Variants in SEMA5B observed in about 807,000 individuals in gnomAD.
The protein encoded by SEMA5B is semaphorin-5B.
Under a neutral mutation model 135.0 loss-of-function variants are expected in SEMA5B, and 66 were observed. That is an observed-to-expected ratio of 0.49 (90% confidence interval 0.40 to 0.60). The LOEUF is 0.60. SEMA5B is among the 20% of genes least tolerant of loss of function. The pLI is 0.00. For synonymous variants in SEMA5B, 690 were observed against 639.5 expected, an observed-to-expected ratio of 1.08 and a Z score of -1.19; for missense variants, 1,501 against 1,566.3, an observed-to-expected ratio of 0.96 and a Z score of 0.70.
At chr3:122,959,812 A>G (rs932339584) in intron 2 of SEMA5B, among the ~76,000 whole-genome samples, 3 of 152,206 alleles carry the variant, frequency 2.0e-5, no homozygotes, top group African/African-American at 4.8e-5. Flanking sequence ...AGCATTACAA[A>G]TGGTGGTGGT....
chr3:123,021,144 C>G (rs1175561238), intron 1 of SEMA5B, among the ~76,000 whole-genome samples: 1 of 152,202 alleles, frequency 6.6e-6, no homozygotes, highest in African/African-American at 2.4e-5. Context: ...CAGGCTCTAC[C>G]AAAGGAGGAA....
intron 1 of SEMA5B, among the ~76,000 whole-genome samples, chr3:123,014,436 C>T (rs1395160325): frequency 6.6e-6 from 1 of 152,202 alleles, no homozygotes; most frequent in Non-Finnish European, 1.5e-5. Context: ...ATGAAACATC[C>T]GACAAGCTCT....
At chr3:122,928,109 C>T (rs1204329721) in intron 7 of SEMA5B, 106 bp from the exon 8 acceptor site, 1 of 725,710 alleles carries the variant, frequency 1.4e-6, no homozygotes, top group East Asian at 3.1e-5. Flanking sequence ...CTCTGGGCCT[C>T]TCCCCTCCTC....
At chr3:122,923,514 G>A in intron 10 of SEMA5B, 103 bp downstream of exon 10, 1 of 1,322,906 alleles carries the variant, frequency 7.6e-7, no homozygotes, top group South Asian at 1.3e-5. Context: ...GCAGGGACGG[G>A]TCTGGTGTCT....
At chr3:122,928,947 G>T in intron 6 of SEMA5B, 49 bp downstream of exon 6, 1 of 1,572,664 alleles carries the variant, frequency 6.4e-7, no homozygotes. Flanking sequence ...ACAACCACAG[G>T]CCTCCTTCCA....
intron 1 of SEMA5B, among the ~76,000 whole-genome samples, chr3:122,966,278 C>T (rs1467649391): frequency 1.3e-5 from 2 of 152,180 alleles, no homozygotes; most frequent in Non-Finnish European, 2.9e-5. Context: ...GTCTTGAACA[C>T]TGAAGACAGT....
chr3:122,984,189 A>T (rs2107691700), intron 1 of SEMA5B, among the ~76,000 whole-genome samples: 1 of 152,332 alleles, frequency 6.6e-6, no homozygotes, highest in Non-Finnish European at 1.5e-5. Context: ...AGGCTCATTC[A>T]CATAGGGCCA....
chr3:122,948,698 A>G lies in SEMA5B; in HGVS notation c.136T>C (p.Cys46Arg). Residue 46 changes from cysteine (C) to arginine (R), a missense_variant, in exon 3 of 23, where the codon TGT (cysteine) becomes CGT (arginine). Transcript: ENST00000357599. ...LLSLVRGLLP[C>R]LPPGARTAEG... ...GCAGTCCTAGCTCCGGGAGGCAGAC[A>G]GGGGAGAAGACCTGCAACGTAAACA... 6.2e-7 allele frequency: 1 copy of G among 1,600,442 alleles called. No individual in the cohort carries two copies.
intron 1 of SEMA5B, among the ~76,000 whole-genome samples, chr3:123,022,006 A>G (rs1467107368): frequency 2.0e-5 from 3 of 152,216 alleles, no homozygotes; most frequent in Admixed American, 1.3e-4. Flanking sequence ...CACATTCCCC[A>G]CAAAGAATCC....
chr3:122,939,960 C>A (rs937753511), intron 4 of SEMA5B, among the ~76,000 whole-genome samples: 1 of 152,170 alleles, frequency 6.6e-6, no homozygotes, highest in African/African-American at 2.4e-5. Flanking sequence ...CCTGGCTCCA[C>A]ATCCCGGGGT....
chr3:122,969,786 G>C (rs1941033569), intron 1 of SEMA5B, among the ~76,000 whole-genome samples: 1 of 152,240 alleles, frequency 6.6e-6, no homozygotes, highest in African/African-American at 2.4e-5. Flanking sequence ...GGGTGGCAGA[G>C]AGCAGCGAGG....
intron 1 of SEMA5B, among the ~76,000 whole-genome samples, chr3:122,984,111 T>G (rs1027930122): frequency 6.6e-6 from 1 of 152,242 alleles, no homozygotes; most frequent in Non-Finnish European, 1.5e-5. Context: ...GGCTTGCCCA[T>G]AATTCTCCGA....
At chr3:122,989,776 G>A (rs1393463189) in intron 1 of SEMA5B, among the ~76,000 whole-genome samples, 1 of 152,206 alleles carries the variant, frequency 6.6e-6, no homozygotes, top group African/African-American at 2.4e-5. Context: ...TTACTCCAAT[G>A]TCCGTTGAGC....
At chr3:122,975,524 C>G (rs1194806319) in intron 1 of SEMA5B, among the ~76,000 whole-genome samples, 1 of 152,224 alleles carries the variant, frequency 6.6e-6, no homozygotes, top group African/African-American at 2.4e-5. Context: ...CCTTTAGCCT[C>G]TCTGAGTCAG....
At chr3:122,947,105 G>A (rs559971774) in intron 3 of SEMA5B, among the ~76,000 whole-genome samples, 64 of 152,010 alleles carry the variant, frequency 4.2e-4, no homozygotes, top group African/African-American at 1.4e-3. Context: ...GTTTCATTAG[G>A]AGCTGCCACA....
intron 18 of SEMA5B, 66 bp downstream of exon 18, chr3:122,912,777 C>G (rs1035264844): frequency 2.8e-6 from 4 of 1,422,526 alleles, no homozygotes; most frequent in Non-Finnish European, 3.8e-6. Flanking sequence ...AGGCCTGGGG[C>G]GGGGAAGGGG....
intron 5 of SEMA5B, among the ~76,000 whole-genome samples, chr3:122,935,686 CTTTTTTTT>C (rs147968317): frequency 4.4e-4 from 31 of 70,266 alleles, no homozygotes; most frequent in African/African-American, 1.4e-3. Context: ...TTCTTTCTTT[CTTTTTTTT>C]TTTTTTTTTT....
At chr3:122,972,325 A>G (rs1216961602) in intron 1 of SEMA5B, among the ~76,000 whole-genome samples, 4 of 152,116 alleles carry the variant, frequency 2.6e-5, no homozygotes, top group African/African-American at 9.7e-5. Context: ...TATCTAAATC[A>G]GTGCAACTCC....
chr3:122,994,712 T>C (rs1576398034), intron 1 of SEMA5B, among the ~76,000 whole-genome samples: 1 of 151,892 alleles, frequency 6.6e-6, no homozygotes, highest in Non-Finnish European at 1.5e-5. Context: ...GGACCAGGAG[T>C]GTAAATGTAT....
Sources: allele counts gnomAD v4.1 joint callset (sites outside exome capture counted in the v4.1 genomes callset), GRCh38; gene constraint gnomAD v4.1.1; transcripts MANE v1.5; gene names NCBI Gene and HGNC (gene_info 2026-07-23, HGNC 2026-07-21).